Variants in FGF12 observed in about 807,000 individuals in gnomAD.
FGF12 encodes the protein fibroblast growth factor 12B.
In FGF12, 14 loss-of-function variants were observed where a neutral mutation model predicts 23.6. The ratio of observed to expected loss-of-function variants is 0.59; its 90% CI spans 0.39 to 0.93. The LOEUF (loss-of-function observed/expected upper bound fraction) is 0.93, where lower values mean the gene tolerates loss of function less well. Ranked by LOEUF, FGF12 falls within the 40% of genes least tolerant of loss-of-function variation. FGF12 has a pLI of 0.00. For missense variants in FGF12, 175 were observed against 217.8 expected, an observed-to-expected ratio of 0.80 and a Z score of 1.24; for synonymous variants, 62 against 77.3, an observed-to-expected ratio of 0.80 and a Z score of 1.04.
chr3:192,199,687 G>A (rs905627514), intron 4 of FGF12, among the ~76,000 whole-genome samples: 2 of 152,170 alleles, frequency 1.3e-5, no homozygotes, highest in Admixed American at 1.3e-4. Flanking sequence ...TGCAATAAAT[G>A]ATATTCCTTG....
chr3:192,267,737 C>T (rs1365017299), intron 4 of FGF12, among the ~76,000 whole-genome samples: 1 of 152,096 alleles, frequency 6.6e-6, no homozygotes, highest in Non-Finnish European at 1.5e-5. Flanking sequence ...CATCAATTTG[C>T]TGTATAATTT....
At chr3:192,159,510 T>G (rs1327045563) in intron 5 of FGF12, among the ~76,000 whole-genome samples, 1 of 152,190 alleles carries the variant, frequency 6.6e-6, no homozygotes, top group African/African-American at 2.4e-5. Context: ...CTTAGCAGTG[T>G]GAAGAAACTA....
chr3:192,446,094 G>A (rs1408118851), intron 2 of FGF12, among the ~76,000 whole-genome samples: 15 of 152,188 alleles, frequency 9.9e-5, no homozygotes, highest in Admixed American at 7.9e-4. Flanking sequence ...CCAGACATGG[G>A]AGACATCTGT....
intron 2 of FGF12, among the ~76,000 whole-genome samples, chr3:192,505,927 G>A (rs534985681): frequency 1.2e-4 from 19 of 152,308 alleles, no homozygotes; most frequent in African/African-American, 4.3e-4. Flanking sequence ...TAAACAGGGT[G>A]GCTAATATAG....
At chr3:192,260,105 C>T (rs1382917322) in intron 4 of FGF12, among the ~76,000 whole-genome samples, 2 of 152,102 alleles carry the variant, frequency 1.3e-5, no homozygotes, top group African/African-American at 4.8e-5. Context: ...TATCAATAAC[C>T]TCACCAATCT....
At chr3:192,549,775 T>C (rs767418304) in intron 2 of FGF12, among the ~76,000 whole-genome samples, 2 of 152,128 alleles carry the variant, frequency 1.3e-5, no homozygotes, top group Non-Finnish European at 2.9e-5. Flanking sequence ...AGCTGGGACA[T>C]TGGTCTTTTT....
Position 192,172,074 on chromosome 3 carries a change from C to T in FGF12, c.229-1418G>A, listed in dbSNP as rs116463595. Among the ~76,000 whole-genome samples the T allele has an allele frequency of 1.8e-3, 269 of 151,974 alleles. 1 individual carries two copies. The highest frequency in any genetic ancestry group is 4.9e-3 in the African/African-American group (203 of 41,456). On this transcript the variant is annotated intron_variant, in intron 4 of 5. Transcript: ENST00000445105. ...TTTTGAATAGTTCCAACATTATAGA[C>T]GAAGAAAAATGAGACTAAGAAAACT...
At chr3:192,146,355 C>T (rs1713715819) in intron 5 of FGF12, among the ~76,000 whole-genome samples, 1 of 150,276 alleles carries the variant, frequency 6.7e-6, no homozygotes, top group Admixed American at 6.7e-5. Context: ...ACTGCAAACT[C>T]CGCCTCCCGG....
At chr3:192,659,198 T>A (rs1336200255) in intron 2 of FGF12, among the ~76,000 whole-genome samples, 1 of 152,204 alleles carries the variant, frequency 6.6e-6, no homozygotes, top group Non-Finnish European at 1.5e-5. Context: ...AATACATTAG[T>A]GTGACATCAT....
chr3:192,497,214 C>A (rs1389817618), intron 2 of FGF12, among the ~76,000 whole-genome samples: 1 of 152,216 alleles, frequency 6.6e-6, no homozygotes, highest in Non-Finnish European at 1.5e-5. Context: ...TCACTCTTCA[C>A]CTCGTTGCTC....
At chr3:192,337,869 AT>A (rs1245040938) in intron 3 of FGF12, among the ~76,000 whole-genome samples, 1 of 152,222 alleles carries the variant, frequency 6.6e-6, no homozygotes, top group Non-Finnish European at 1.5e-5. Flanking sequence ...TTTTTAGTTT[AT>A]ATTCAGCAGA....
intron 2 of FGF12, among the ~76,000 whole-genome samples, chr3:192,587,525 A>G (rs1184358141): frequency 6.6e-6 from 1 of 151,638 alleles, no homozygotes; most frequent in African/African-American, 2.4e-5. Flanking sequence ...AACTCAAGAT[A>G]CTCTCCCAGG....
chr3:192,420,673 T>C (rs902283843), intron 2 of FGF12, among the ~76,000 whole-genome samples: 3 of 152,190 alleles, frequency 2.0e-5, no homozygotes, highest in Non-Finnish European at 4.4e-5. Context: ...TGAAAGCTTC[T>C]TGAAGCTCTC....
At chr3:192,703,127 T>C (rs1355465702) in intron 2 of FGF12, among the ~76,000 whole-genome samples, 1 of 152,212 alleles carries the variant, frequency 6.6e-6, no homozygotes, top group Admixed American at 6.5e-5. Context: ...TAATCCCTTA[T>C]CCTATAATTT....
chr3:192,296,597 T>G (rs886080363), intron 4 of FGF12, among the ~76,000 whole-genome samples: 5 of 152,316 alleles, frequency 3.3e-5, no homozygotes, highest in Non-Finnish European at 7.3e-5. Context: ...TAAAACATGA[T>G]ATTAATATTT....
At chr3:192,279,613 G>T (rs1346394310) in intron 4 of FGF12, among the ~76,000 whole-genome samples, 1 of 152,224 alleles carries the variant, frequency 6.6e-6, no homozygotes, top group African/African-American at 2.4e-5. Context: ...ATGATATAGT[G>T]AGTGAGCAGC....
In FGF12 at chr3:192,672,565, G is replaced by A. The variant is rs139309251; in HGVS notation, c.13+54616C>T. 3.1e-3 allele frequency among the ~76,000 whole-genome samples: 474 copies of A among 151,084 alleles called. 10 individuals are homozygous for A. The highest frequency in any genetic ancestry group is 0.011 in the African/African-American group (455 of 41,434). ...CACTTCAAACACAGGGGACAGATCCGTGAGAAGGCACAGTTGTTTATCAAA... is the reference window on the plus strand; with the variant it reads ...CACTTCAAACACAGGGGACAGATCCATGAGAAGGCACAGTTGTTTATCAAA... On this transcript the variant is annotated intron_variant, in intron 2 of 5. Coordinates refer to ENST00000445105, the MANE Select transcript of FGF12 (RefSeq NM_004113.6).
chr3:192,182,230 C>T (rs866090690), intron 4 of FGF12, among the ~76,000 whole-genome samples: 2 of 150,222 alleles, frequency 1.3e-5, no homozygotes, highest in Non-Finnish European at 3.0e-5. Context: ...GGCTAGGGAG[C>T]AGAGATATAA....
At chr3:192,210,147 A>G (rs1290487076) in intron 4 of FGF12, among the ~76,000 whole-genome samples, 2 of 152,204 alleles carry the variant, frequency 1.3e-5, no homozygotes, top group African/African-American at 4.8e-5. Context: ...AAACATAGTG[A>G]GCATTGCCCC....
Sources: allele counts gnomAD v4.1 joint callset (sites outside exome capture counted in the v4.1 genomes callset), GRCh38; gene constraint gnomAD v4.1.1; transcripts MANE v1.5; gene names NCBI Gene and HGNC (gene_info 2026-07-23, HGNC 2026-07-21).